The following C3orf33 variants were observed in gnomAD, a reference collection of about 807,000 sequenced individuals.
C3orf33 encodes AP-1 activity suppressor.
A neutral mutation model predicts 28.7 loss-of-function variants in C3orf33; 23 were observed. That is an observed-to-expected ratio of 0.80 (90% confidence interval 0.58 to 1.13). The LOEUF is 1.13. Among genes scored for constraint, C3orf33 ranks in the 50% most tolerant of loss-of-function variants. C3orf33 has a pLI of 0.00. For missense variants in C3orf33, 327 were observed against 353.4 expected (o/e 0.93, Z 0.60); for synonymous variants, 119 against 120.5 (o/e 0.99, Z 0.08).
intron 2 of C3orf33, among the ~76,000 whole-genome samples, chr3:155,800,610 C>CA (rs58092818): frequency 0.016 from 257 of 15,636 alleles, 57 homozygotes; most frequent in African/African-American, 0.031. Flanking sequence ...ACCTTATCTC[C>CA]AAAAAAAAAA....
At chr3:155,788,581 C>T (rs1202630319) in intron 2 of C3orf33, among the ~76,000 whole-genome samples, 1 of 151,542 alleles carries the variant, frequency 6.6e-6, no homozygotes, top group Non-Finnish European at 1.5e-5. Context: ...ACTCAGGAGG[C>T]TGAGGCAGGA....
At position 155,802,827 on chromosome 3, in the gene C3orf33, T is replaced by TTA. The variant is rs568346149; in HGVS notation, c.115-238_115-237dup. The stretch of plus-strand genomic sequence containing the variant: ...TTCCCAATCTGGCACACAGAGACAT[T>TTA]TATATATATATTTAAACATATATAC... On this transcript the variant is annotated intron_variant, in intron 1 of 4. Transcript: ENST00000340171. 5.7e-3 allele frequency among the ~76,000 whole-genome samples: 865 copies of TTA among 152,046 alleles called. 9 individuals are homozygous for TTA. Among genetic ancestry groups the TTA allele is most frequent in the African/African-American group, 0.02 (819 of 41,446 alleles).
chr3:155,795,746 A>G (rs1559999221), intron 2 of C3orf33, among the ~76,000 whole-genome samples: 1 of 151,312 alleles, frequency 6.6e-6, no homozygotes, highest in African/African-American at 2.4e-5. Flanking sequence ...ACCTGAGGTC[A>G]GGAATTCAAG....
At chr3:155,765,602 C>CA (rs1389278797) in intron 4 of C3orf33, among the ~76,000 whole-genome samples, 1 of 152,170 alleles carries the variant, frequency 6.6e-6, no homozygotes, top group Non-Finnish European at 1.5e-5. Flanking sequence ...GGCTGGAGTG[C>CA]AGTGGCACGA....
At chr3:155,805,255 G>C (rs1350578231) in intron 1 of C3orf33, among the ~76,000 whole-genome samples, 1 of 151,922 alleles carries the variant, frequency 6.6e-6, no homozygotes, top group Non-Finnish European at 1.5e-5. Flanking sequence ...TTGAGACCAG[G>C]AGTTCAAGGC....
At chr3:155,765,352 A>G (rs991511185) in intron 4 of C3orf33, among the ~76,000 whole-genome samples, 5 of 152,228 alleles carry the variant, frequency 3.3e-5, no homozygotes, top group African/African-American at 1.2e-4. Context: ...TAATATAAGC[A>G]TGGCACCTTA....
intron 2 of C3orf33, among the ~76,000 whole-genome samples, chr3:155,798,865 C>G (rs1198164416): frequency 1.3e-5 from 2 of 152,070 alleles, no homozygotes; most frequent in African/African-American, 4.8e-5. Flanking sequence ...ATGTGCAAAC[C>G]ATCCATCTGA....
chr3:155,804,090 C>T (rs1751745573), intron 1 of C3orf33: 1 of 338,492 alleles, frequency 3.0e-6, no homozygotes, highest in South Asian at 2.2e-5. Context: ...GCAGGACAAT[C>T]ACTTGAACCT....
At chr3:155,795,272 A>G (rs1350294736) in intron 2 of C3orf33, among the ~76,000 whole-genome samples, 3 of 152,156 alleles carry the variant, frequency 2.0e-5, no homozygotes, top group Admixed American at 6.6e-5. Flanking sequence ...GTTGGCCAAC[A>G]TGGCAAAACC....
At chr3:155,793,080 A>C (rs1003129541) in intron 2 of C3orf33, among the ~76,000 whole-genome samples, 3 of 152,222 alleles carry the variant, frequency 2.0e-5, no homozygotes, top group African/African-American at 7.2e-5. Context: ...AAAAGCAGCA[A>C]GAGAAAAGAA....
intron 3 of C3orf33, 105 bp downstream of exon 3, chr3:155,775,596 G>T: frequency 1.4e-6 from 1 of 695,718 alleles, no homozygotes; most frequent in East Asian, 3.2e-5. Context: ...ATGGACAATG[G>T]AGAGTTATTA....
chr3:155,779,494 C>T (rs1224038786), intron 2 of C3orf33, among the ~76,000 whole-genome samples: 1 of 152,160 alleles, frequency 6.6e-6, no homozygotes, highest in Non-Finnish European at 1.5e-5. Flanking sequence ...AAGGTTTCGC[C>T]ATGTTGGCCA....
At chr3:155,777,849 T>A (rs1389975969) in intron 2 of C3orf33, among the ~76,000 whole-genome samples, 1 of 151,976 alleles carries the variant, frequency 6.6e-6, no homozygotes, top group East Asian at 1.9e-4. Context: ...AAGAAAAAAA[T>A]TGTTTTTAAG....
Position 155,763,688 on chromosome 3 carries a change from T to C in C3orf33, c.714A>G (p.Lys238=). The C allele has an allele frequency of 2.5e-6, 4 of 1,594,822 alleles. No individual in the cohort carries two copies. The highest frequency in any genetic ancestry group is 3.4e-6 in the Non-Finnish European group (4 of 1,175,420). ...KFKDSWREIW[K]KDSFLKTTGS... ...CTGTTGTTTTTAAAAAACTGTCCTTTTTCCATATTTCTCTCCAGGAATCTT... is the reference window on the plus strand; with the variant it reads ...CTGTTGTTTTTAAAAAACTGTCCTTCTTCCATATTTCTCTCCAGGAATCTT... The change falls in exon 5 of 5, where the codon AAA becomes AAG. Residue 238 remains lysine (K), a synonymous_variant. Coordinates refer to ENST00000340171, the MANE Select transcript of C3orf33 (RefSeq NM_001308229.2).
At chr3:155,776,177 A>T (rs570863489) in intron 2 of C3orf33, among the ~76,000 whole-genome samples, 2 of 152,330 alleles carry the variant, frequency 1.3e-5, no homozygotes, top group East Asian at 3.9e-4. Flanking sequence ...AAATCTGGTT[A>T]AACAGTCTCT....
chr3:155,785,367 A>G (rs920841971), intron 2 of C3orf33, among the ~76,000 whole-genome samples: 1 of 152,130 alleles, frequency 6.6e-6, no homozygotes, highest in African/African-American at 2.4e-5. Flanking sequence ...TCTAACAAAC[A>G]TATACAGAAT....
Position 155,790,842 on chromosome 3 carries a change from C to T in C3orf33, c.174+11690G>A, listed in dbSNP as rs1324669084. Among the ~76,000 whole-genome samples the T allele has an allele frequency of 6.6e-5, 10 of 152,294 alleles. No individual in the cohort carries two copies. In the East Asian group the frequency reaches 7.7e-4, roughly 12 times the overall value. ...TGAGGTCCTTCAAGCCTCACCACCA[C>T]GGGATAATGTATTCTGGGGTCCTAA... On this transcript the variant is annotated intron_variant, in intron 2 of 4. Coordinates refer to ENST00000340171, the MANE Select transcript of C3orf33 (RefSeq NM_001308229.2).
At chr3:155,803,930 C>T in intron 1 of C3orf33, 1 of 172,216 alleles carries the variant, frequency 5.8e-6, no homozygotes, top group South Asian at 1.1e-4. Flanking sequence ...AATTCCAGCA[C>T]TTTGGGAGGC....
At chr3:155,805,718 G>C (rs746934760) in intron 1 of C3orf33, 1 of 447,926 alleles carries the variant, frequency 2.2e-6, no homozygotes, top group African/African-American at 2.0e-5. Flanking sequence ...GAGGAATACC[G>C]TGTCCCTAAA....
Sources: allele counts gnomAD v4.1 joint callset (sites outside exome capture counted in the v4.1 genomes callset), GRCh38; gene constraint gnomAD v4.1.1; transcripts MANE v1.5; gene names NCBI Gene and HGNC (gene_info 2026-07-23, HGNC 2026-07-21).